The following SHISA7 variants were observed in gnomAD, a reference collection of about 807,000 sequenced individuals.
SHISA7 encodes the protein shisa family member 7, also known as protein shisa-7.
Under a neutral mutation model 23.9 loss-of-function variants are expected in SHISA7, and 6 were observed. The observed-to-expected ratio is 0.25, with a 90% confidence interval of 0.14 to 0.50. SHISA7 has a LOEUF of 0.50. SHISA7 is among the 20% of genes least tolerant of loss of function. SHISA7 has a pLI of 0.98. For missense variants in SHISA7, 671 were observed against 801.1 expected (o/e 0.84, Z 1.96); for synonymous variants, 386 against 398.3 (o/e 0.97, Z 0.37).
At chr19:55,434,271 TGTGTGTGGTGG>T (rs1416316047) in intron 3 of SHISA7, among the ~76,000 whole-genome samples, 4 of 151,618 alleles carry the variant, frequency 2.6e-5, no homozygotes, top group Non-Finnish European at 4.4e-5. Flanking sequence ...CGCGTGTGTG[TGTGTGTGGTGG>T]GTGTGTGGTG....
At chr19:55,434,530 G>T (rs1599871578) in intron 3 of SHISA7, among the ~76,000 whole-genome samples, 1 of 133,092 alleles carries the variant, frequency 7.5e-6, no homozygotes, top group Admixed American at 8.0e-5. Flanking sequence ...TGGTTGTGTG[G>T]TGTGTGTGTG....
intron 2 of SHISA7, 90 bp from the exon 3 acceptor site, chr19:55,437,844 G>A: frequency 7.0e-7 from 1 of 1,436,232 alleles, no homozygotes; most frequent in Non-Finnish European, 9.2e-7. Flanking sequence ...ATCAGACCCA[G>A]GAGTCCAGAA....
chr19:55,433,148 C>A lies in SHISA7; in HGVS notation c.*8G>T. 6.6e-7 allele frequency: 1 copy of A among 1,516,992 alleles called. No homozygotes were observed. Among genetic ancestry groups the A allele is most frequent in the Non-Finnish European group, 8.8e-7 (1 of 1,137,632 alleles). 94.0% of individuals were successfully genotyped at this position (1,516,992 alleles called of 1,614,324 possible). A position where few individuals can be genotyped will look rare whatever the true frequency, so the allele number is the denominator to read the frequency against. On this transcript the variant is annotated 3_prime_UTR_variant, in exon 4 of 4. Coordinates refer to ENST00000376325, the MANE Select transcript of SHISA7 (RefSeq NM_001145176.2). The surrounding 1 kb of genome is among the most constrained non-coding windows in gnomAD (Gnocchi z 8.4). Reference sequence around the variant, plus strand: ...GGAGGCCGCAGCCCCCCAGACCCGGCCCTGGCCTCAGACAGTCACCTCGTT... The same window carrying A: ...GGAGGCCGCAGCCCCCCAGACCCGGACCTGGCCTCAGACAGTCACCTCGTT...
intron 2 of SHISA7, among the ~76,000 whole-genome samples, chr19:55,439,795 T>A (rs1257174123): frequency 6.6e-6 from 1 of 151,398 alleles, no homozygotes; most frequent in Admixed American, 6.6e-5. Context: ...AGGCCTTTGC[T>A]CAAATACCTC....
intron 3 of SHISA7, among the ~76,000 whole-genome samples, chr19:55,434,542 TTG>T (rs761817324): frequency 6.5e-4 from 63 of 97,088 alleles, no homozygotes; most frequent in African/African-American, 1.7e-3. Flanking sequence ...GTGTGTGTGG[TTG>T]TGTGTGTATG....
chr19:55,441,073 G>A (rs987803645), intron 1 of SHISA7, among the ~76,000 whole-genome samples: 3 of 152,092 alleles, frequency 2.0e-5, no homozygotes, highest in African/African-American at 4.8e-5. Flanking sequence ...TCCTTTTGCA[G>A]CCTTCCCCAT....
At chr19:55,438,744 G>A (rs1266437258) in intron 2 of SHISA7, 15 of 685,738 alleles carry the variant, frequency 2.2e-5, no homozygotes, top group South Asian at 1.4e-4. Flanking sequence ...GCAGGACCTC[G>A]TTAGAGCTCC....
intron 3 of SHISA7, among the ~76,000 whole-genome samples, chr19:55,435,270 CGT>C (rs1222861616): frequency 7.1e-5 from 5 of 70,410 alleles, no homozygotes; most frequent in African/African-American, 1.2e-4. Context: ...TATGTGTGTG[CGT>C]GTGTGCGTGT....
intron 1 of SHISA7, among the ~76,000 whole-genome samples, chr19:55,441,080 C>G (rs563167591): frequency 1.4e-4 from 22 of 152,300 alleles, no homozygotes; most frequent in Non-Finnish European, 2.9e-4. Flanking sequence ...GCAGCCTTCC[C>G]CATGGCAACA....
chr19:55,436,785 C>T (rs1985472644), intron 3 of SHISA7, among the ~76,000 whole-genome samples: 1 of 152,054 alleles, frequency 6.6e-6, no homozygotes, highest in Non-Finnish European at 1.5e-5. Flanking sequence ...AGCACGAGCT[C>T]TTAGTTCCAG....
rs567359996 is a variant in SHISA7, at chr19:55,441,212, T to A, written c.672-447A>T. 5.9e-4 allele frequency among the ~76,000 whole-genome samples: 90 copies of A among 152,238 alleles called. No homozygotes were observed. The South Asian group carries it at 0.018, about 30-fold the overall frequency. ...TCGAACCTCCAAAACATATCCCAAA[T>A]CAGACCACTACTCACCACCTCTGCA... On this transcript the variant is annotated intron_variant, in intron 1 of 3. Coordinates refer to ENST00000376325, the MANE Select transcript of SHISA7 (RefSeq NM_001145176.2).
chr19:55,442,512 G>T lies in SHISA7; in HGVS notation c.352C>A (p.His118Asn). The T allele has an allele frequency of 6.8e-7, 1 of 1,478,406 alleles. No homozygotes were observed. Among genetic ancestry groups the T allele is most frequent in the East Asian group, 3.0e-5 (1 of 33,456 alleles). 91.6% of individuals were successfully genotyped at this position (1,478,406 alleles called of 1,614,324 possible). A position where few individuals can be genotyped will look rare whatever the true frequency, so the allele number is the denominator to read the frequency against. ...GTCHYRFCCE[H>N]RHMRLAQASC... is the part of the protein sequence containing the mutation. ...GCCTGCGCCAGGCGCATGTGACGGT[G>T]CTCACAGCAGAAGCGGTAGTGGCAG... is the stretch of plus-strand genomic sequence containing the variant. Residue 118 changes from histidine to asparagine, a missense_variant, in exon 1 of 4, where the codon CAC (histidine) becomes AAC (asparagine). Around this residue, in one of 5 missense-constraint regions of SHISA7, gnomAD observed 48 missense variants for 111.0 expected, o/e 0.43. Coordinates refer to ENST00000376325, the MANE Select transcript of SHISA7 (RefSeq NM_001145176.2).
In SHISA7 at chr19:55,431,439, A is replaced by G. The variant is rs926849817; in HGVS notation, c.*1717T>C. 34 of 152,098 alleles carry G rather than the reference A, an allele frequency of 2.2e-4. No individual in the cohort carries two copies. The highest frequency in any genetic ancestry group is 7.2e-4 in the African/African-American group (30 of 41,392). 9.4% of individuals were successfully genotyped at this position (152,098 alleles called of 1,614,324 possible). A position where few individuals can be genotyped will look rare whatever the true frequency, so the allele number is the denominator to read the frequency against. On this transcript the variant is annotated 3_prime_UTR_variant, in exon 4 of 4. Coordinates refer to ENST00000376325, the MANE Select transcript of SHISA7 (RefSeq NM_001145176.2). Reference sequence around the variant, plus strand: ...GTGGTGGCTCCTGAAAGATGATGACACCATGGTTGTGAGGAATCATGGAGG... The same window carrying G: ...GTGGTGGCTCCTGAAAGATGATGACGCCATGGTTGTGAGGAATCATGGAGG...
At position 55,432,226 on chromosome 19, in the gene SHISA7, G is replaced by A. The variant is rs1985224173; in HGVS notation, c.*930C>T. On this transcript the variant is annotated 3_prime_UTR_variant, in exon 4 of 4. Transcript: ENST00000376325. This position sits in a 1 kb window ranked among gnomAD's most constrained non-coding sequence, Gnocchi z 4.6. ...CTCTCTGCTCTCTGGCATCTTCCCT[G>A]GGGTGGTCCTGGACTCTGGGCCTGC... The A allele has an allele frequency of 6.5e-6, 1 of 152,816 alleles. No individual in the cohort carries two copies. The highest frequency in any genetic ancestry group is 6.5e-5 in the Admixed American group (1 of 15,286). 9.5% of individuals were successfully genotyped at this position (152,816 alleles called of 1,614,324 possible).
At position 55,442,879 on chromosome 19, in the gene SHISA7, T is replaced by A; in HGVS notation, c.-16A>T. The A allele has an allele frequency of 7.6e-7, 1 of 1,317,920 alleles. No homozygotes were observed. The highest frequency in any genetic ancestry group is 3.2e-5 in the East Asian group (1 of 31,268). 81.6% of individuals were successfully genotyped at this position (1,317,920 alleles called of 1,614,324 possible). On this transcript the variant is annotated 5_prime_UTR_variant, in exon 1 of 4. Coordinates refer to ENST00000376325, the MANE Select transcript of SHISA7 (RefSeq NM_001145176.2). ...GGGCCGGCATGGGGCTTGCAGGGGG[T>A]CGCACTGGGCCGCCAGGCTGCGGGG...
chr19:55,434,952 G>GTA (rs1985382670), intron 3 of SHISA7, among the ~76,000 whole-genome samples: 1 of 115,478 alleles, frequency 8.7e-6, no homozygotes, highest in Non-Finnish European at 1.8e-5. Flanking sequence ...TATGGTGTGT[G>GTA]GTGTGTGGGT....
chr19:55,438,544 C>G, intron 2 of SHISA7: 2 of 1,304,156 alleles, frequency 1.5e-6, no homozygotes, highest in Non-Finnish European at 2.0e-6. Context: ...TTTCCGCAGC[C>G]GGGCCCTCTT....
rs990552565 is a variant in SHISA7, at chr19:55,440,658, G to T, written c.779C>A (p.Pro260His). 3.2e-6 allele frequency: 4 copies of T among 1,249,670 alleles called. No homozygotes were observed. Among genetic ancestry groups the T allele is most frequent in the Admixed American group, 4.2e-5 (1 of 23,720 alleles). The allele number at this position is 1,249,670 out of a possible 1,614,324, so 77.4% of individuals were successfully genotyped here. ...PGIGGPDSMP[P>H]RTPKNLYNTV... Reference sequence around the variant, plus strand: ...GTTGTAGAGGTTCTTGGGCGTCCTGGGGGGCATGCTGTCGGGACCGCCGAT... The same window carrying T: ...GTTGTAGAGGTTCTTGGGCGTCCTGTGGGGCATGCTGTCGGGACCGCCGAT... The change falls in exon 2 of 4, where the codon CCC becomes CAC. Residue 260 changes from proline (P) to histidine (H), a missense_variant. This residue lies in a region of SHISA7 where 457 missense variants were observed against 488.3 expected (regional missense o/e 0.94). Transcript: ENST00000376325.
chr19:55,435,237 CGT>C (rs1430086674), intron 3 of SHISA7, among the ~76,000 whole-genome samples: 1 of 45,508 alleles, frequency 2.2e-5, no homozygotes, highest in African/African-American at 1.2e-4. Flanking sequence ...TGTGTGTGTG[CGT>C]GTGTGCGTGT....
Sources: gnomAD v4.1 joint callset for allele counts (sites outside exome capture counted in the v4.1 genomes callset) on GRCh38, gnomAD v4.1.1 for gene constraint, gnomAD v4.1.1 regional missense constraint, Gnocchi (gnomAD v3.1) non-coding constraint, MANE v1.5 for transcripts, NCBI Gene and HGNC (gene_info 2026-07-23, HGNC 2026-07-21) for gene names.